Variants in MROH9 observed in about 807,000 individuals in gnomAD.
The protein encoded by MROH9 is maestro heat-like repeat-containing protein family member 9.
MROH9 carries 92 observed loss-of-function variants against 98.2 expected under a neutral mutation model. That is an observed-to-expected ratio of 0.94 (90% CI 0.79 to 1.11). The LOEUF (loss-of-function observed/expected upper bound fraction) is 1.11. Ranked by LOEUF, MROH9 falls within the 50% of genes most tolerant of loss-of-function variation. The pLI is 0.00. For synonymous variants in MROH9, 397 were observed against 368.9 expected (o/e 1.08, Z -0.87); for missense variants, 1,057 against 1,014.8 (o/e 1.04, Z -0.57).
At chr1:170,979,271 G>T (rs896010015) in intron 8 of MROH9, among the ~76,000 whole-genome samples, 9 of 152,134 alleles carry the variant, frequency 5.9e-5, no homozygotes, top group Non-Finnish European at 1.2e-4. Flanking sequence ...AATACTGAAT[G>T]ATTTCCCTGA....
chr1:171,051,974 G>A (rs1011015630), intron 20 of MROH9, among the ~76,000 whole-genome samples: 1 of 151,908 alleles, frequency 6.6e-6, no homozygotes, highest in Non-Finnish European at 1.5e-5. Flanking sequence ...AATAGAATTG[G>A]TATCAGTTAT....
intron 5 of MROH9, among the ~76,000 whole-genome samples, chr1:170,959,858 C>T (rs1404523598): frequency 6.6e-6 from 1 of 152,146 alleles, no homozygotes; most frequent in Non-Finnish European, 1.5e-5. Flanking sequence ...AGGGAGTTTG[C>T]TGGCAAGTGC....
intron 15 of MROH9, among the ~76,000 whole-genome samples, chr1:171,012,564 T>G (rs915152852): frequency 1.1e-4 from 16 of 147,568 alleles, no homozygotes; most frequent in South Asian, 6.5e-4. Flanking sequence ...GTGCAGTGGC[T>G]CGATCTCGGC....
At chr1:170,976,365 G>A (rs1370302250) in intron 8 of MROH9, among the ~76,000 whole-genome samples, 1 of 150,360 alleles carries the variant, frequency 6.7e-6, no homozygotes, top group Non-Finnish European at 1.5e-5. Flanking sequence ...TTCAGCATTT[G>A]CTTGTCTAAA....
intron 20 of MROH9, among the ~76,000 whole-genome samples, chr1:171,029,131 G>A (rs1571151715): frequency 6.6e-6 from 1 of 152,114 alleles, no homozygotes; most frequent in African/African-American, 2.4e-5. Flanking sequence ...CATTCAACAT[G>A]ACATTGATAT....
intron 7 of MROH9, among the ~76,000 whole-genome samples, chr1:170,967,756 C>T (rs1191810047): frequency 2.0e-5 from 3 of 152,180 alleles, no homozygotes; most frequent in Non-Finnish European, 4.4e-5. Context: ...ACTCAAAGCA[C>T]ATGTTCCTTC....
chr1:170,935,982 CA>C (rs59883013), intron 1 of MROH9, among the ~76,000 whole-genome samples: 1,496 of 62,038 alleles, frequency 0.024, 4 homozygotes, highest in African/African-American at 0.071. Context: ...CAGAGTGAGA[CA>C]AAAAAAAAAA....
At chr1:170,948,624 G>A (rs1649426771) in intron 3 of MROH9, among the ~76,000 whole-genome samples, 1 of 151,946 alleles carries the variant, frequency 6.6e-6, no homozygotes, top group South Asian at 2.1e-4. Context: ...TCAAATACTA[G>A]CCCCAAATTG....
chr1:170,965,315 C>T (rs1322415038), intron 7 of MROH9, 60 bp downstream of exon 7: 2 of 1,143,792 alleles, frequency 1.7e-6, no homozygotes, highest in African/African-American at 1.5e-5. Flanking sequence ...CATAGTGCTG[C>T]TTTCCATGTC....
At chr1:170,967,429 A>G (rs977007741) in intron 7 of MROH9, among the ~76,000 whole-genome samples, 2 of 152,182 alleles carry the variant, frequency 1.3e-5, no homozygotes, top group African/African-American at 4.8e-5. Flanking sequence ...AAAAAAATCA[A>G]AACACACTGT....
intron 10 of MROH9, among the ~76,000 whole-genome samples, chr1:170,987,759 AC>A (rs1651206936): frequency 6.6e-6 from 1 of 152,186 alleles, no homozygotes. Context: ...AACTAGCTCG[AC>A]TTTTAAAATT....
At chr1:171,035,719 G>A (rs899294340) in intron 20 of MROH9, among the ~76,000 whole-genome samples, 80 of 152,204 alleles carry the variant, frequency 5.3e-4, no homozygotes, top group African/African-American at 1.9e-3. Flanking sequence ...GAAACCATAA[G>A]ATACCATTAT....
At chr1:170,941,537 A>G (rs1159037564) in intron 1 of MROH9, among the ~76,000 whole-genome samples, 7 of 152,184 alleles carry the variant, frequency 4.6e-5, no homozygotes, top group Non-Finnish European at 8.8e-5. Flanking sequence ...CATAGGTTCA[A>G]AAGAGTCAGA....
At chr1:171,053,518 C>T (rs1277703972) in intron 20 of MROH9, among the ~76,000 whole-genome samples, 1 of 152,120 alleles carries the variant, frequency 6.6e-6, no homozygotes, top group Non-Finnish European at 1.5e-5. Context: ...ATAAATTACC[C>T]AGAGACTCAA....
chr1:171,013,683 G>A (rs1290087197), intron 15 of MROH9, among the ~76,000 whole-genome samples: 3 of 152,072 alleles, frequency 2.0e-5, no homozygotes, highest in East Asian at 1.9e-4. Context: ...ACAGGGTTGT[G>A]GGTTGCTACC....
intron 20 of MROH9, among the ~76,000 whole-genome samples, chr1:171,034,979 T>C (rs1340985220): frequency 2.0e-5 from 3 of 151,910 alleles, no homozygotes; most frequent in East Asian, 1.9e-4. Context: ...GCAACGACAA[T>C]TGGAAGTGCA....
At chr1:171,036,577 C>T (rs2101853736) in intron 20 of MROH9, among the ~76,000 whole-genome samples, 1 of 152,012 alleles carries the variant, frequency 6.6e-6, no homozygotes, top group African/African-American at 2.4e-5. Flanking sequence ...ACAGGTGCAT[C>T]TGGAGACATG....
At chr1:171,038,157 T>C (rs1316523934) in intron 20 of MROH9, among the ~76,000 whole-genome samples, 1 of 152,120 alleles carries the variant, frequency 6.6e-6, no homozygotes, top group Admixed American at 6.6e-5. Flanking sequence ...AATATTTACA[T>C]TTATCATGAA....
chr1:170,937,911 T>C (rs60975211), intron 1 of MROH9, among the ~76,000 whole-genome samples: 3,334 of 152,264 alleles, frequency 0.022, 114 homozygotes, highest in African/African-American at 0.074. Context: ...TGTGGTTCTT[T>C]ACCTGCTAAA....
Sources: allele counts gnomAD v4.1 joint callset (sites outside exome capture counted in the v4.1 genomes callset), GRCh38; gene constraint gnomAD v4.1.1; transcripts MANE v1.5; gene names NCBI Gene and HGNC (gene_info 2026-07-23, HGNC 2026-07-21).